The following TKT variants were observed in gnomAD, a reference collection of about 807,000 sequenced individuals.
TKT encodes transketolase.
In TKT, 47 loss-of-function variants were observed where a neutral mutation model predicts 63.9. The ratio of observed to expected loss-of-function variants is 0.74; its 90% CI spans 0.58 to 0.94. The LOEUF (loss-of-function observed/expected upper bound fraction) is 0.94, where lower values mean the gene tolerates loss of function less well. Among genes scored for constraint, TKT ranks in the 40% least tolerant of loss-of-function variants. TKT has a pLI of 0.00. For synonymous variants in TKT, 338 were observed against 334.1 expected (o/e 1.01, Z -0.13); for missense variants, 721 against 846.2 (o/e 0.85, Z 1.84).
chr3:53,248,723 C>A (rs1284392819), intron 1 of TKT, among the ~76,000 whole-genome samples: 1 of 151,982 alleles, frequency 6.6e-6, no homozygotes, highest in Admixed American at 6.6e-5. Flanking sequence ...CAAAAGAACT[C>A]ATTCTGTATA....
intron 1 of TKT, 104 bp from the exon 2 acceptor site, chr3:53,242,346 A>G: frequency 3.6e-6 from 4 of 1,119,096 alleles, no homozygotes; most frequent in Non-Finnish European, 2.7e-6. Flanking sequence ...CTGAGGAGTC[A>G]CACAGGCCTG....
At chr3:53,243,078 G>A (rs4687716) in intron 1 of TKT, among the ~76,000 whole-genome samples, 46,165 of 152,020 alleles carry the variant, frequency 0.3, 8,019 homozygotes, top group Admixed American at 0.46. Context: ...GGCTGAGGAA[G>A]GGCTGACAAA....
In TKT at chr3:53,231,342, G is replaced by A. The variant is rs1477520672; in HGVS notation, c.942+15C>T. The A allele has an allele frequency of 6.2e-7, 1 of 1,611,914 alleles. No homozygotes were observed. The highest frequency in any genetic ancestry group is 1.1e-5 in the South Asian group (1 of 90,888). ...TGAGAACTATGGGTTCAGAGAAACA[G>A]GCCCCACTTTGTACCTTGTCCCCAA... On this transcript the variant is annotated intron_variant, in intron 7 of 13. Coordinates refer to ENST00000462138, the MANE Select transcript of TKT (RefSeq NM_001064.4).
intron 8 of TKT, among the ~76,000 whole-genome samples, chr3:53,230,071 C>T (rs1553676647): frequency 6.6e-6 from 1 of 152,204 alleles, no homozygotes; most frequent in Non-Finnish European, 1.5e-5. Context: ...GGTGGCAGGG[C>T]CCAGAGCCGT....
intron 10 of TKT, chr3:53,228,627 C>G: frequency 1.9e-6 from 1 of 519,054 alleles, no homozygotes; most frequent in South Asian, 2.0e-5. Flanking sequence ...ACAGACTGCA[C>G]CAGGCAGAGG....
At chr3:53,234,870 T>G in intron 5 of TKT, 113 bp downstream of exon 5, 2 of 1,118,758 alleles carry the variant, frequency 1.8e-6, no homozygotes, top group East Asian at 2.5e-5. Flanking sequence ...AAAGGGACCT[T>G]TAGATGGTGC....
At position 53,226,871 on chromosome 3, in the gene TKT, G is replaced by T. The variant is rs1553675665; in HGVS notation, c.1581C>A (p.Ile527=). ...TGAAGGGGTCCAGCACGCGGATGTTGATCTTTTCTGTGAGGGAGAGCACAC... is the reference window on the plus strand; with the variant it reads ...TGAAGGGGTCCAGCACGCGGATGTTTATCTTTTCTGTGAGGGAGAGCACAC... ...AAAELLKKEK[I]NIRVLDPFTI... Residue 527 remains isoleucine, a synonymous_variant, in exon 13 of 14, where the codon ATC becomes ATA. Transcript: ENST00000462138. The T allele has an allele frequency of 1.9e-6, 3 of 1,608,122 alleles. No individual in the cohort carries two copies. In the Admixed American group the frequency reaches 5.0e-5, roughly 27 times the overall value.
chr3:53,228,207 A>C (rs782395979), intron 11 of TKT, 58 bp from the exon 12 acceptor site: 165 of 1,612,066 alleles, frequency 1.0e-4, no homozygotes, highest in Non-Finnish European at 1.4e-4. Flanking sequence ...GTGTGCCCTG[A>C]CTGCTGGGAG....
At chr3:53,233,971 C>T (rs1405430244) in intron 5 of TKT, 1 of 152,260 alleles carries the variant, frequency 6.6e-6, no homozygotes, top group African/African-American at 2.4e-5. Flanking sequence ...TAACGTGACC[C>T]ACGCCACAAA....
intron 5 of TKT, 57 bp downstream of exon 5, chr3:53,234,926 G>A: frequency 6.6e-7 from 1 of 1,519,780 alleles, no homozygotes; most frequent in Non-Finnish European, 8.9e-7. Context: ...GCAAAGCTGT[G>A]ATCACAGACC....
chr3:53,242,750 A>AGT, intron 1 of TKT, among the ~76,000 whole-genome samples: 2 of 152,070 alleles, frequency 1.3e-5, no homozygotes, highest in Non-Finnish European at 2.9e-5. Context: ...TGTGAAGGGC[A>AGT]CCCTGCCCTC....
At position 53,230,415 on chromosome 3, in the gene TKT, T is replaced by A. The variant is rs781927290; in HGVS notation, c.1107+42A>T. The A allele has an allele frequency of 4.3e-6, 7 of 1,613,046 alleles. No individual in the cohort carries two copies. In the South Asian group the frequency reaches 5.5e-5, roughly 13 times the overall value. On this transcript the variant is annotated intron_variant, in intron 8 of 13. Coordinates refer to ENST00000462138, the MANE Select transcript of TKT (RefSeq NM_001064.4). ...CCCCGCACCCCTCAGACCACAGCCCTCAGCCTTGGGTGGACCTGTCCCTGC... is the reference window on the plus strand; with the variant it reads ...CCCCGCACCCCTCAGACCACAGCCCACAGCCTTGGGTGGACCTGTCCCTGC...
chr3:53,246,259 C>T (rs1553680867), intron 1 of TKT, among the ~76,000 whole-genome samples: 1 of 152,012 alleles, frequency 6.6e-6, no homozygotes, highest in African/African-American at 2.4e-5. Flanking sequence ...CAGAGTGAGA[C>T]TCCATCTCAG....
intron 1 of TKT, chr3:53,243,637 G>C (rs9858133): frequency 2.2e-6 from 1 of 456,114 alleles, no homozygotes; most frequent in Non-Finnish European, 4.4e-6. Flanking sequence ...AAGAGGGAGG[G>C]GAGGACATGG....
At chr3:53,229,176 C>G in intron 9 of TKT, 39 bp from the exon 10 acceptor site, 1 of 1,613,706 alleles carries the variant, frequency 6.2e-7, no homozygotes, top group Non-Finnish European at 8.5e-7. Context: ...AATAAGACCC[C>G]TACCCCCCCA....
chr3:53,230,867 C>T (rs1553676854), intron 7 of TKT, among the ~76,000 whole-genome samples: 1 of 152,210 alleles, frequency 6.6e-6, no homozygotes, highest in African/African-American at 2.4e-5. Flanking sequence ...CACCCACCAG[C>T]CCCAACTTCC....
intron 1 of TKT, among the ~76,000 whole-genome samples, chr3:53,245,935 TAC>T (rs56889780): frequency 0.036 from 5,509 of 152,190 alleles, 323 homozygotes; most frequent in African/African-American, 0.12. Flanking sequence ...AGTAGGAACA[TAC>T]AGTGAAATGT....
chr3:53,252,996 C>T (rs571632136), intron 1 of TKT, among the ~76,000 whole-genome samples: 5 of 152,248 alleles, frequency 3.3e-5, no homozygotes, highest in Admixed American at 1.3e-4. Context: ...CCCGCCACCA[C>T]GTCCAGCTAA....
intron 1 of TKT, among the ~76,000 whole-genome samples, chr3:53,246,344 C>A (rs1553680891): frequency 6.6e-6 from 1 of 152,064 alleles, no homozygotes; most frequent in African/African-American, 2.4e-5. Flanking sequence ...ATTGCAAGAC[C>A]TGGAACTCAC....
Sources: gnomAD v4.1 joint callset for allele counts (sites outside exome capture counted in the v4.1 genomes callset) on GRCh38, gnomAD v4.1.1 for gene constraint, MANE v1.5 for transcripts, NCBI Gene and HGNC (gene_info 2026-07-23, HGNC 2026-07-21) for gene names.